Variants in SPATA24 observed in about 807,000 individuals in gnomAD.
SPATA24 encodes the protein spermatogenesis-associated protein 24.
A neutral mutation model predicts 28.9 loss-of-function variants in SPATA24; 21 were observed. The observed-to-expected ratio is 0.73, with a 90% CI of 0.52 to 1.05. SPATA24 has a LOEUF of 1.05. SPATA24 is among the 50% of genes least tolerant of loss of function. SPATA24 has a pLI of 0.00. For synonymous variants in SPATA24, 76 were observed against 89.9 expected, an observed-to-expected ratio of 0.85 and a Z score of 0.88; for missense variants, 215 against 242.9, an observed-to-expected ratio of 0.88 and a Z score of 0.76.
chr5:139,394,732 A>C, downstream of SPATA24: 1 of 1,532,710 alleles, frequency 6.5e-7, no homozygotes, highest in Non-Finnish European at 8.7e-7. Context: ...CAGGGGTCCG[A>C]CGCCGAAGAT....
downstream of SPATA24, chr5:139,394,318 A>G: frequency 6.7e-7 from 1 of 1,485,100 alleles, no homozygotes; most frequent in Non-Finnish European, 8.9e-7. Context: ...TTTTCTGGCC[A>G]ACGCCGTCTG....
chr5:139,400,670 A>G (rs1484730060), intron 4 of SPATA24, among the ~76,000 whole-genome samples: 1 of 152,132 alleles, frequency 6.6e-6, no homozygotes, highest in African/African-American at 2.4e-5. Context: ...CCTGAGGTGT[A>G]CGGGCATGTG....
downstream of SPATA24, chr5:139,394,414 G>C (rs936739507): frequency 2.2e-6 from 3 of 1,388,386 alleles, no homozygotes; most frequent in Admixed American, 3.6e-5. Context: ...CGGCGCGCCG[G>C]CCGCCCTTGG....
At chr5:139,397,267 C>CTCT in intron 4 of SPATA24, 124 bp from the exon 5 acceptor site, 1 of 663,498 alleles carries the variant, frequency 1.5e-6, no homozygotes, top group Non-Finnish European at 2.6e-6. Context: ...CCATGAAGAA[C>CTCT]TGCTAATACC....
intron 4 of SPATA24, among the ~76,000 whole-genome samples, chr5:139,397,847 GC>G (rs2152078134): frequency 6.6e-6 from 1 of 152,316 alleles, no homozygotes; most frequent in South Asian, 2.1e-4. Context: ...GAGCCACCAT[GC>G]CCAACATCCT....
downstream of SPATA24, chr5:139,394,241 T>A (rs1758651419): frequency 2.6e-6 from 4 of 1,548,014 alleles, no homozygotes; most frequent in Non-Finnish European, 3.5e-6. Context: ...GTTTCCCGGG[T>A]CTCAGGTTCC....
chr5:139,395,723 G>A (rs1367766968), downstream of SPATA24: 1 of 152,328 alleles, frequency 6.6e-6, no homozygotes, highest in African/African-American at 2.4e-5. Context: ...CCTCAGGAAG[G>A]TACTACCACT....
intron 5 of SPATA24, 48 bp from the exon 6 acceptor site, chr5:139,396,977 T>C: frequency 6.4e-7 from 1 of 1,551,482 alleles, no homozygotes; most frequent in Non-Finnish European, 8.7e-7. Flanking sequence ...CAAGGGTAGG[T>C]AGGGGCCAGA....
chr5:139,394,183 A>G (rs1758650366), downstream of SPATA24: 3 of 1,546,800 alleles, frequency 1.9e-6, no homozygotes, highest in Non-Finnish European at 2.6e-6. Context: ...TCGTACGCGA[A>G]GTGGCCGAGA....
downstream of SPATA24, chr5:139,394,697 G>A (rs760338789): frequency 1.5e-4 from 227 of 1,533,612 alleles, no homozygotes; most frequent in Non-Finnish European, 1.8e-4. Flanking sequence ...TGCGCCTCGC[G>A]ATCGTCTGCG....
At chr5:139,395,309 C>G (rs539322007), downstream of SPATA24, 34 of 408,142 alleles carry the variant, frequency 8.3e-5, no homozygotes, top group South Asian at 2.7e-3. Flanking sequence ...GCCGGAGTAC[C>G]TGGGGTGGGC....
chr5:139,399,588 TGA>T (rs1758782398), intron 4 of SPATA24, among the ~76,000 whole-genome samples: 1 of 152,208 alleles, frequency 6.6e-6, no homozygotes, highest in Non-Finnish European at 1.5e-5. Flanking sequence ...GAAATTTGTG[TGA>T]CTCTTTGAAA....
Position 139,396,932 on chromosome 5 carries a change from G to A in SPATA24, c.489-3C>T, listed in dbSNP as rs1229544277. On this transcript the variant is annotated splice_region_variant and splice_polypyrimidine_tract_variant and intron_variant, in intron 5 of 5. Transcript: ENST00000450845. ...TCCGGAAGTCAGACATGTGATTCCT[G>A]CAACGGAGCCGGCTGGTGGTGGGCT... The A allele has an allele frequency of 1.8e-5, 28 of 1,551,528 alleles. No homozygotes were observed. The highest frequency in any genetic ancestry group is 2.4e-5 in the Non-Finnish European group (28 of 1,146,958).
At chr5:139,396,229 G>T (rs1758702714), downstream of SPATA24, 1 of 985,228 alleles carries the variant, frequency 1.0e-6, no homozygotes, top group African/African-American at 1.7e-5. Context: ...CTCGGTGATG[G>T]CTTCTGAAAA....
intron 4 of SPATA24, among the ~76,000 whole-genome samples, chr5:139,400,424 A>G (rs1454044947): frequency 6.7e-6 from 1 of 148,980 alleles, no homozygotes; most frequent in Non-Finnish European, 1.5e-5. Context: ...CTCCTGTCTC[A>G]GCCTCCTGAG....
At chr5:139,402,119 C>T (rs1411305157) in intron 2 of SPATA24, 74 bp from the exon 3 acceptor site, 1 of 1,493,768 alleles carries the variant, frequency 6.7e-7, no homozygotes, top group Non-Finnish European at 8.9e-7. Flanking sequence ...ACCAGCCCCC[C>T]TTCTCAGAGG....
chr5:139,396,794 G>C lies in SPATA24; in HGVS notation c.*6C>G, dbSNP rs538359682. On this transcript the variant is annotated 3_prime_UTR_variant, in exon 6 of 6. Coordinates refer to ENST00000450845, the MANE Select transcript of SPATA24 (RefSeq NM_194296.2). ...ACAGCCAGAGAACAGGAAAGCGGCG[G>C]CCATTTTATTTTTCCCTGGGATGCT... The C allele has an allele frequency of 1.9e-6, 3 of 1,551,748 alleles. No individual in the cohort carries two copies. In the Admixed American group the frequency reaches 5.9e-5, roughly 30 times the overall value.
Position 139,397,105 on chromosome 5 carries a change from TA to T in SPATA24, c.423del (p.Asn142MetfsTer?). 1 of 1,552,092 alleles carries T rather than the reference TA, an allele frequency of 6.4e-7. No homozygotes were observed. The highest frequency in any genetic ancestry group is 8.7e-7 in the Non-Finnish European group (1 of 1,147,074). ...TCTTTAATCTCATTCTCTTTGCCATTAAGTATATCTTCTTGCTTTATAATGT... is the reference window on the plus strand; with the variant it reads ...TCTTTAATCTCATTCTCTTTGCCATTAGTATATCTTCTTGCTTTATAATGT... ...ESHIIKQEDI[L>X]NGKENEIKEL... On this transcript the variant is annotated frameshift_variant, in exon 5 of 6. Transcript: ENST00000450845. LOFTEE classifies it high-confidence loss of function.
chr5:139,404,061 C>G lies in SPATA24; in HGVS notation c.-1G>C, dbSNP rs776203256. ...TCGACCACCCGAGGGGCGTCGCCATCTTCCGCCCCCGCCAGCTAGTTGGAA... is the reference window on the plus strand; with the variant it reads ...TCGACCACCCGAGGGGCGTCGCCATGTTCCGCCCCCGCCAGCTAGTTGGAA... On this transcript the variant is annotated 5_prime_UTR_variant, in exon 1 of 6. Transcript: ENST00000450845. 1 of 1,550,864 alleles carries G rather than the reference C, an allele frequency of 6.4e-7. No homozygotes were observed. The highest frequency in any genetic ancestry group is 8.7e-7 in the Non-Finnish European group (1 of 1,146,562).
Sources: allele counts gnomAD v4.1 joint callset (sites outside exome capture counted in the v4.1 genomes callset), GRCh38; gene constraint gnomAD v4.1.1; transcripts MANE v1.5; gene names NCBI Gene and HGNC (gene_info 2026-07-23, HGNC 2026-07-21).